RANBP2: variants seen among roughly 807,000 people sequenced by gnomAD.
The protein encoded by RANBP2 is RAN binding protein 2.
In RANBP2, 57 loss-of-function variants were observed where a neutral mutation model predicts 303.6. The ratio of observed to expected loss-of-function variants is 0.19; its 90% confidence interval spans 0.15 to 0.23. The LOEUF (loss-of-function observed/expected upper bound fraction) is 0.23. RANBP2 is among the 10% of genes least tolerant of loss of function. The pLI, the probability that RANBP2 is intolerant of heterozygous loss-of-function variation, is 1.00. For synonymous variants in RANBP2, 1,167 were observed against 1,301.5 expected (o/e 0.90, Z 2.23); for missense variants, 3,138 against 3,780.8 (o/e 0.83, Z 4.46).
At chr2:109,248,937 G>T in the RANBP2 span, among the ~76,000 whole-genome samples, 1 of 148,722 alleles carries the variant, frequency 6.7e-6, no homozygotes, top group Non-Finnish European at 1.5e-5. Flanking sequence ...GTCCTGTCTT[G>T]CTCTGTCACC....
At chr2:109,095,319 G>T in the RANBP2 span, among the ~76,000 whole-genome samples, 1 of 152,174 alleles carries the variant, frequency 6.6e-6, no homozygotes, top group Non-Finnish European at 1.5e-5. Context: ...ATATAATCGA[G>T]ACTACTGGAG....
chr2:109,301,632 T>C, the RANBP2 span, among the ~76,000 whole-genome samples: 1 of 152,176 alleles, frequency 6.6e-6, no homozygotes, highest in African/African-American at 2.4e-5. Flanking sequence ...TCTCCCCACC[T>C]CAGGCCATGC....
At chr2:109,716,117 G>A in the RANBP2 span, among the ~76,000 whole-genome samples, 67 of 152,202 alleles carry the variant, frequency 4.4e-4, no homozygotes, top group South Asian at 0.013. Flanking sequence ...GGAGAGGGTC[G>A]CATGACTGAA....
chr2:109,265,572 G>A, the RANBP2 span, among the ~76,000 whole-genome samples: 6 of 152,222 alleles, frequency 3.9e-5, no homozygotes, highest in Non-Finnish European at 5.9e-5. Context: ...CAGGGCAGGT[G>A]TGGCTCTTCC....
chr2:109,139,389 G>C, the RANBP2 span, among the ~76,000 whole-genome samples: 1 of 152,056 alleles, frequency 6.6e-6, no homozygotes, highest in South Asian at 2.1e-4. Flanking sequence ...CAAGTTTGTA[G>C]TCTAAACATG....
the RANBP2 span, among the ~76,000 whole-genome samples, chr2:109,568,615 T>C: frequency 3.9e-5 from 6 of 152,206 alleles, no homozygotes; most frequent in Non-Finnish European, 8.8e-5. Context: ...TCTCAAAATC[T>C]TGCAATTTCA....
chr2:109,579,891 C>T, the RANBP2 span, among the ~76,000 whole-genome samples: 104 of 151,646 alleles, frequency 6.9e-4, no homozygotes, highest in Middle Eastern at 3.4e-3. Context: ...GAAGCTAAGG[C>T]GTGTGGATCA....
the RANBP2 span, among the ~76,000 whole-genome samples, chr2:108,983,812 G>C: frequency 6.6e-6 from 1 of 152,186 alleles, no homozygotes; most frequent in Non-Finnish European, 1.5e-5. Context: ...GGGCATCAGT[G>C]ATCTCTGAAC....
At chr2:109,579,527 G>C in the RANBP2 span, among the ~76,000 whole-genome samples, 1 of 151,988 alleles carries the variant, frequency 6.6e-6, no homozygotes, top group African/African-American at 2.4e-5. Context: ...GGGATTACAG[G>C]CGCCTGCCAC....
the RANBP2 span, chr2:109,616,332 TC>T: frequency 1.3e-5 from 4 of 309,738 alleles, no homozygotes; most frequent in Non-Finnish European, 2.4e-5. Flanking sequence ...TAGAAATGTA[TC>T]TAAATTGGGG....
the RANBP2 span, among the ~76,000 whole-genome samples, chr2:109,766,817 A>AT: frequency 6.7e-6 from 1 of 150,256 alleles, no homozygotes; most frequent in Non-Finnish European, 1.5e-5. Context: ...ATTTTTGGGA[A>AT]TAAAGCCTTG....
chr2:108,965,675 G>C, the RANBP2 span, among the ~76,000 whole-genome samples: 1 of 151,956 alleles, frequency 6.6e-6, no homozygotes, highest in African/African-American at 2.4e-5. Flanking sequence ...TGCTGCAGTG[G>C]GAGAGCTGGG....
chr2:109,338,022 G>A, the RANBP2 span, among the ~76,000 whole-genome samples: 3 of 152,166 alleles, frequency 2.0e-5, no homozygotes, highest in Non-Finnish European at 4.4e-5. Context: ...GTGAGCCACC[G>A]CGCCCAGGCT....
the RANBP2 span, chr2:108,940,242 T>C: frequency 6.6e-6 from 1 of 152,306 alleles, no homozygotes; most frequent in Non-Finnish European, 1.5e-5. Context: ...GGCTTGCTGC[T>C]CCTCTCAGGC....
chr2:109,509,532 G>C, the RANBP2 span, among the ~76,000 whole-genome samples: 1 of 152,022 alleles, frequency 6.6e-6, no homozygotes, highest in African/African-American at 2.4e-5. Flanking sequence ...ATCTCTGTGC[G>C]TCTGTATCCA....
chr2:108,997,463 A>AAAAAAAG, the RANBP2 span, among the ~76,000 whole-genome samples: 5 of 148,314 alleles, frequency 3.4e-5, no homozygotes, highest in Admixed American at 6.7e-5. Context: ...AAAAAAAAAA[A>AAAAAAAG]GATGATGGTC....
At chr2:109,570,342 A>C in the RANBP2 span, among the ~76,000 whole-genome samples, 1 of 152,156 alleles carries the variant, frequency 6.6e-6, no homozygotes, top group African/African-American at 2.4e-5. Flanking sequence ...TAATATTGTA[A>C]TGCTCATTAA....
chr2:109,574,554 G>T, the RANBP2 span: 2 of 1,390,282 alleles, frequency 1.4e-6, no homozygotes, highest in Non-Finnish European at 1.9e-6. Context: ...TTAAAGTATG[G>T]TAAGTTGATT....
At chr2:109,176,442 G>A in the RANBP2 span, among the ~76,000 whole-genome samples, 6 of 152,174 alleles carry the variant, frequency 3.9e-5, no homozygotes, top group Non-Finnish European at 8.8e-5. Context: ...TTGATCAAAA[G>A]GCATAGGGGC....
Sources: gnomAD v4.1 joint callset for allele counts (sites outside exome capture counted in the v4.1 genomes callset) on GRCh38, gnomAD v4.1.1 for gene constraint, MANE v1.5 for transcripts, NCBI Gene and HGNC (gene_info 2026-07-23, HGNC 2026-07-21) for gene names.